Variants in LRRC8A observed in about 807,000 individuals in gnomAD.
LRRC8A encodes volume-regulated anion channel subunit LRRC8A.
A neutral mutation model predicts 52.5 loss-of-function variants in LRRC8A; 24 were observed. The ratio of observed to expected loss-of-function variants is 0.46; its 90% CI spans 0.33 to 0.64. The LOEUF (loss-of-function observed/expected upper bound fraction) is 0.64. LRRC8A is among the 30% of genes least tolerant of loss of function. LRRC8A has a pLI of 0.02. For missense variants in LRRC8A, 677 were observed against 1,094.7 expected, an observed-to-expected ratio of 0.62 and a Z score of 5.38; for synonymous variants, 492 against 494.2, an observed-to-expected ratio of 1.00 and a Z score of 0.06.
chr9:128,907,922 A>G lies in LRRC8A; in HGVS notation c.758A>G (p.His253Arg). The part of the protein sequence containing the change: ...LFEKVKKFRT[H>R]VEEGDIVYRL... ...GAGAAGGTGAAGAAGTTCCGGACCC[A>G]TGTGGAGGAGGGGGACATTGTGTAC... Residue 253 changes from histidine (H) to arginine (R), a missense_variant, in exon 3 of 4, where the codon CAT becomes CGT. His to Arg is a conservative substitution (Grantham distance 29, BLOSUM62 0). Transcript: ENST00000372600. The surrounding 1 kb of genome is among the most constrained non-coding windows in gnomAD (Gnocchi z 9.3). 1 of 1,614,102 alleles carries G rather than the reference A, an allele frequency of 6.2e-7. No individual in the cohort carries two copies. Among genetic ancestry groups the G allele is most frequent in the Non-Finnish European group, 8.5e-7 (1 of 1,180,018 alleles).
In LRRC8A at chr9:128,908,020, G is replaced by A. The variant is rs763613538; in HGVS notation, c.856G>A (p.Val286Met). 3.1e-6 allele frequency: 5 copies of A among 1,614,080 alleles called. No individual in the cohort carries two copies. The highest frequency in any genetic ancestry group is 2.7e-5 in the African/African-American group (2 of 75,024). Residue 286 changes from valine to methionine, a missense_variant, in exon 3 of 4, where the codon GTG (valine) becomes ATG (methionine). Around this residue, in one of 4 missense-constraint regions of LRRC8A, gnomAD observed 422 missense variants for 741.5 expected, o/e 0.57. Coordinates refer to ENST00000372600, the MANE Select transcript of LRRC8A (RefSeq NM_019594.4). ...CATCATCTGCTACACCGTCTACTAC[G>A]TGCACAACATCAAGTTCGACGTGGA... The part of the protein sequence containing the change: ...ILIICYTVYY[V>M]HNIKFDVDCT...
Position 128,917,310 on chromosome 9 carries a change from G to GTTT in LRRC8A, c.*943_*945dup, listed in dbSNP as rs1296885104. The GTTT allele has an allele frequency of 2.6e-5, 4 of 152,484 alleles. No individual in the cohort carries two copies. The East Asian group carries it at 7.8e-4, about 30-fold the overall frequency. The allele number at this position is 152,484 out of a possible 1,614,324, so 9.4% of individuals were successfully genotyped here. A position where few individuals can be genotyped will look rare whatever the true frequency, so the allele number is the denominator to read the frequency against. On this transcript the variant is annotated 3_prime_UTR_variant, in exon 4 of 4. Transcript: ENST00000372600. ...CCTGGGGAGGGAGGTTTTTTTGTTT[G>GTTT]TTTTTTGGGTTTTTTTGGTGTCTTG...
Position 128,917,062 on chromosome 9 carries a change from T to TAA in LRRC8A, c.*691_*692insAA, listed in dbSNP as rs1292950606. On this transcript the variant is annotated 3_prime_UTR_variant, in exon 4 of 4. Coordinates refer to ENST00000372600, the MANE Select transcript of LRRC8A (RefSeq NM_019594.4). ...TTTTTTTAATCAAAAAACAATTTTT[T>TAA]TAAAAAAAAAGCTTTGAAAATGGAT... 1.1e-3 allele frequency: 124 copies of TAA among 113,842 alleles called. No homozygotes were observed. Among genetic ancestry groups the TAA allele is most frequent in the Middle Eastern group, 4.1e-3 (1 of 242 alleles). 7.1% of individuals were successfully genotyped at this position (113,842 alleles called of 1,614,324 possible).
chr9:128,914,021 A>G (rs1235484517), intron 3 of LRRC8A, among the ~76,000 whole-genome samples: 1 of 152,326 alleles, frequency 6.6e-6, no homozygotes, highest in South Asian at 2.1e-4. Context: ...CCTGGCCGAC[A>G]TAATGAAACC....
At chr9:128,910,654 T>C (rs898325878) in intron 3 of LRRC8A, among the ~76,000 whole-genome samples, 21 of 152,280 alleles carry the variant, frequency 1.4e-4, no homozygotes, top group Admixed American at 9.2e-4. Flanking sequence ...TGTACCACTG[T>C]ACTTCAGCCT....
In LRRC8A at chr9:128,892,030, G is replaced by A. The variant is rs1460681006; in HGVS notation, c.-9+5909G>A. Among the ~76,000 whole-genome samples, 1 of 152,176 alleles carries A rather than the reference G, an allele frequency of 6.6e-6. No individual in the cohort carries two copies. Among genetic ancestry groups the A allele is most frequent in the Admixed American group, 6.5e-5 (1 of 15,280 alleles). ...CTGTATGGCAGGCACTAGTCCAAAA[G>A]CTTTATATGGACTGTCTCCTTCTGT... On this transcript the variant is annotated intron_variant, in intron 2 of 3. Transcript: ENST00000372600. The surrounding 1 kb of genome is among the most constrained non-coding windows in gnomAD (Gnocchi z 5.2).
intron 1 of LRRC8A, among the ~76,000 whole-genome samples, chr9:128,883,284 C>T (rs1839203658): frequency 6.6e-6 from 1 of 152,254 alleles, no homozygotes. Context: ...CCAAGGACCT[C>T]TTCCACCTCT....
At chr9:128,900,616 G>A (rs533217444) in intron 2 of LRRC8A, among the ~76,000 whole-genome samples, 3 of 152,162 alleles carry the variant, frequency 2.0e-5, no homozygotes, top group Non-Finnish European at 4.4e-5. Flanking sequence ...ACTGAGGGAG[G>A]AGAATCGTTT....
intron 2 of LRRC8A, among the ~76,000 whole-genome samples, chr9:128,905,896 ACT>A (rs1255158101): frequency 6.6e-6 from 1 of 152,112 alleles, no homozygotes; most frequent in African/African-American, 2.4e-5. Context: ...GTCAAACTAG[ACT>A]CTCTCTGGGA....
chr9:128,916,129 C>T lies in LRRC8A; in HGVS notation c.2191C>T (p.Arg731Trp), dbSNP rs1182325605. 1.6e-5 allele frequency: 26 copies of T among 1,611,936 alleles called. No homozygotes were observed. Among genetic ancestry groups the T allele is most frequent in the Non-Finnish European group, 1.9e-5 (22 of 1,178,784 alleles). Residue 731 changes from arginine (R) to tryptophan (W), a missense_variant, in exon 4 of 4, where the codon CGG becomes TGG. Physicochemically the swap from Arg to Trp is moderately radical, Grantham distance 101. Transcript: ENST00000372600. This position sits in a 1 kb window ranked among gnomAD's most constrained non-coding sequence, Gnocchi z 6.1. ...GCTCCCTCCGGAGCTCTTCCAGTGC[C>T]GGAAGCTGCGGGCCCTGCACCTGGG... Reference protein sequence around the residue: ...ETLPPELFQCRKLRALHLGNN... With the variant: ...ETLPPELFQCWKLRALHLGNN...
rs1226103947 is a variant in LRRC8A at position 128,902,228 on chromosome 9, C to T, written c.-8-4929C>T. ...TTTTTTTTACCCCCGCTGGACCTAG[C>T]CAAGGGCTGAACAGAGTCCGGATGT... is the stretch of plus-strand genomic sequence containing the variant. On this transcript the variant is annotated intron_variant, in intron 2 of 3. Coordinates refer to ENST00000372600, the MANE Select transcript of LRRC8A (RefSeq NM_019594.4). The surrounding 1 kb of genome is among the most constrained non-coding windows in gnomAD (Gnocchi z 4.1). Among the ~76,000 whole-genome samples, 1 of 152,226 alleles carries T rather than the reference C, an allele frequency of 6.6e-6. No homozygotes were observed. The highest frequency in any genetic ancestry group is 1.5e-5 in the Non-Finnish European group (1 of 68,036).
rs1291649836 is a variant in LRRC8A, at chr9:128,911,638, C to A, written c.2157+2317C>A. On this transcript the variant is annotated intron_variant, in intron 3 of 3. Coordinates refer to ENST00000372600, the MANE Select transcript of LRRC8A (RefSeq NM_019594.4). The surrounding 1 kb of genome is among the most constrained non-coding windows in gnomAD (Gnocchi z 4.9). The stretch of plus-strand genomic sequence containing the variant: ...TCAAGCCTCCAGCCTGGCTCCCCAT[C>A]CTGTCCCCCACCCCCAGCTCCTCCC... Among the ~76,000 whole-genome samples, 1 of 152,170 alleles carries A rather than the reference C, an allele frequency of 6.6e-6. No individual in the cohort carries two copies. Among genetic ancestry groups the A allele is most frequent in the Non-Finnish European group, 1.5e-5 (1 of 68,034 alleles).
chr9:128,891,786 C>G (rs555791671), intron 2 of LRRC8A, among the ~76,000 whole-genome samples: 1 of 152,272 alleles, frequency 6.6e-6, no homozygotes, highest in East Asian at 1.9e-4. Flanking sequence ...GAAGTATCTT[C>G]AAGGGCCTGG....
Position 128,892,091 on chromosome 9 carries a change from C to T in LRRC8A, c.-9+5970C>T, listed in dbSNP as rs1839644518. On this transcript the variant is annotated intron_variant, in intron 2 of 3. Transcript: ENST00000372600. This position sits in a 1 kb window ranked among gnomAD's most constrained non-coding sequence, Gnocchi z 5.2. Reference sequence around the variant, plus strand: ...GCCCTCCAAGCAATAGACTTGTCAACCCATTTTACAGATGAGGAAACCAGA... The same window carrying T: ...GCCCTCCAAGCAATAGACTTGTCAATCCATTTTACAGATGAGGAAACCAGA... Among the ~76,000 whole-genome samples the T allele has an allele frequency of 6.6e-6, 1 of 152,234 alleles. No individual in the cohort carries two copies. Among genetic ancestry groups the T allele is most frequent in the Non-Finnish European group, 1.5e-5 (1 of 68,040 alleles).
chr9:128,904,769 C>T lies in LRRC8A; in HGVS notation c.-8-2388C>T, dbSNP rs151136079. ...CAGTACTTTGGGAGGCCAAGGCGGG[C>T]GGATCACAAGGTCAGGAGAACGAGA... is the stretch of plus-strand genomic sequence containing the variant. On this transcript the variant is annotated intron_variant, in intron 2 of 3. Coordinates refer to ENST00000372600, the MANE Select transcript of LRRC8A (RefSeq NM_019594.4). 4.7e-3 allele frequency among the ~76,000 whole-genome samples: 714 copies of T among 151,616 alleles called. 3 individuals carry two copies. The highest frequency in any genetic ancestry group is 0.015 in the African/African-American group (605 of 41,348).
At chr9:128,886,379 C>G (rs954141159) in intron 2 of LRRC8A, among the ~76,000 whole-genome samples, 1 of 152,232 alleles carries the variant, frequency 6.6e-6, no homozygotes, top group Admixed American at 6.5e-5. Flanking sequence ...CAGATCTTAT[C>G]AGTCTGGGTC....
chr9:128,905,486 T>C (rs1840210841), intron 2 of LRRC8A, among the ~76,000 whole-genome samples: 2 of 152,238 alleles, frequency 1.3e-5, no homozygotes, highest in Admixed American at 1.3e-4. Context: ...TTTCCTAATG[T>C]GGCTTCTCAG....
At position 128,883,358 on chromosome 9, in the gene LRRC8A, C is replaced by T. The variant is rs1839210020; in HGVS notation, c.-116+1108C>T. Among the ~76,000 whole-genome samples the T allele has an allele frequency of 3.3e-5, 5 of 152,350 alleles. No homozygotes were observed. The South Asian group carries it at 1.0e-3, about 32-fold the overall frequency. ...CTGCCCTTTGGAGCAGACAACCTGG[C>T]AGACAGACAGGCTGTAAGAAGCGGG... On this transcript the variant is annotated intron_variant, in intron 1 of 3. Transcript: ENST00000372600.
chr9:128,916,307 T>C lies in LRRC8A; in HGVS notation c.2369T>C (p.Leu790Pro), dbSNP rs1840816738. 2 of 1,612,990 alleles carry C rather than the reference T, an allele frequency of 1.2e-6. No homozygotes were observed. Among genetic ancestry groups the C allele is most frequent in the Non-Finnish European group, 1.7e-6 (2 of 1,179,932 alleles). ...AGCGGCTTGGTGGTGGAGGAGGACC[T>C]GTTCAACACACTGCCACCCGAGGTG... The part of the protein sequence containing the change: ...KRSGLVVEED[L>P]FNTLPPEVKE... Residue 790 changes from leucine (L) to proline (P), a missense_variant, in exon 4 of 4, where the codon CTG becomes CCG. Around this residue, in one of 4 missense-constraint regions of LRRC8A, gnomAD observed 169 missense variants for 217.6 expected, o/e 0.78. Transcript: ENST00000372600. The surrounding 1 kb of genome is among the most constrained non-coding windows in gnomAD (Gnocchi z 6.1).
Sources: gnomAD v4.1 joint callset for allele counts (sites outside exome capture counted in the v4.1 genomes callset) on GRCh38, gnomAD v4.1.1 for gene constraint, gnomAD v4.1.1 regional missense constraint, Gnocchi (gnomAD v3.1) non-coding constraint, MANE v1.5 for transcripts, NCBI Gene and HGNC (gene_info 2026-07-23, HGNC 2026-07-21) for gene names.